ANO2: variants seen among roughly 807,000 people sequenced by gnomAD.
ANO2 encodes the protein anoctamin 2, also known as anoctamin-2.
Under a neutral mutation model 124.2 loss-of-function variants are expected in ANO2, and 101 were observed. That is an observed-to-expected ratio of 0.81 (90% CI 0.69 to 0.96). The LOEUF is 0.96. Ranked by LOEUF, ANO2 falls within the 40% of genes least tolerant of loss-of-function variation. The probability of loss-of-function intolerance (pLI) is 0.00; values close to 1 mark genes in which losing one functional copy is unlikely to be tolerated. For missense variants in ANO2, 1,293 were observed against 1,274.5 expected, an observed-to-expected ratio of 1.01 and a Z score of -0.22; for synonymous variants, 486 against 482.5, an observed-to-expected ratio of 1.01 and a Z score of -0.09.
chr12:5,920,068 GATGGATGGATGGATGC>G (rs1040102283), intron 3 of ANO2, among the ~76,000 whole-genome samples: 23 of 108,874 alleles, frequency 2.1e-4, no homozygotes, highest in East Asian at 8.6e-4. Context: ...TGGATGGATG[GATGGATGGATGGATGC>G]ATGCATGCAT....
chr12:5,865,231 GT>G (rs1240379946), intron 3 of ANO2, among the ~76,000 whole-genome samples: 2 of 152,158 alleles, frequency 1.3e-5, no homozygotes, highest in Non-Finnish European at 2.9e-5. Context: ...CAACGACTGT[GT>G]GCTTGGCAAT....
intron 1 of ANO2, among the ~76,000 whole-genome samples, chr12:5,923,606 G>A (rs186689579): frequency 6.6e-6 from 1 of 152,264 alleles, no homozygotes; most frequent in African/African-American, 2.4e-5. Context: ...CTCTACCCAG[G>A]CCCCAGAGGT....
intron 3 of ANO2, among the ~76,000 whole-genome samples, chr12:5,884,694 TC>T (rs1435689203): frequency 1.3e-5 from 2 of 152,290 alleles, no homozygotes; most frequent in African/African-American, 4.8e-5. Context: ...ACCATTGAGA[TC>T]CTTTTGTTCA....
In ANO2 at chr12:5,922,702, C is replaced by G; in HGVS notation, c.125G>C (p.Gly42Ala). The change falls in exon 2 of 25, where the codon GGT becomes GCT. Residue 42 changes from glycine (G) to alanine (A), a missense_variant. Coordinates refer to ENST00000682330, the MANE Select transcript of ANO2 (RefSeq NM_001364791.2). The stretch of plus-strand genomic sequence containing the variant: ...GCCCTGCAGACCTGGGGCCCGGGGA[C>G]CTGGCATCTTGAGACACTGCTGTCC... ...KHGQQCLKMP[G>A]PRAPGLQGGS... 1.3e-6 allele frequency: 2 copies of G among 1,593,704 alleles called. No individual in the cohort carries two copies. Among genetic ancestry groups the G allele is most frequent in the Non-Finnish European group, 1.7e-6 (2 of 1,171,610 alleles).
intron 15 of ANO2, among the ~76,000 whole-genome samples, chr12:5,639,914 A>G (rs1293651276): frequency 6.6e-6 from 1 of 152,022 alleles, no homozygotes; most frequent in African/African-American, 2.4e-5. Flanking sequence ...CTGATGGTGG[A>G]CTCCCAATAT....
intron 20 of ANO2, among the ~76,000 whole-genome samples, chr12:5,580,828 T>C (rs1591660537): frequency 1.3e-5 from 2 of 152,324 alleles, no homozygotes; most frequent in East Asian, 1.9e-4. Flanking sequence ...GCCATTGTCC[T>C]TGGTGCCCAG....
chr12:5,693,395 T>C lies in ANO2; in HGVS notation c.1545+39125A>G, dbSNP rs193095100. Among the ~76,000 whole-genome samples, 82 of 152,290 alleles carry C rather than the reference T, an allele frequency of 5.4e-4. 1 individual carries two copies. In the East Asian group the frequency reaches 0.014, roughly 26 times the overall value. On this transcript the variant is annotated intron_variant, in intron 14 of 24. Coordinates refer to ENST00000682330, the MANE Select transcript of ANO2 (RefSeq NM_001364791.2). Reference sequence around the variant, plus strand: ...TATTGAATGATTTGCCTTTGAAACGTAGTCAGCACCTGAACCTGTCTCACC... The same window carrying C: ...TATTGAATGATTTGCCTTTGAAACGCAGTCAGCACCTGAACCTGTCTCACC...
At chr12:5,602,387 A>G (rs183849162) in intron 19 of ANO2, among the ~76,000 whole-genome samples, 88 of 152,168 alleles carry the variant, frequency 5.8e-4, no homozygotes, top group Middle Eastern at 3.4e-3. Context: ...AGTAGCTAGG[A>G]CTACAGGCAT....
rs182029997 is a variant in ANO2, at chr12:5,732,449, C to A, written c.1545+71G>T. On this transcript the variant is annotated intron_variant, in intron 14 of 24. Coordinates refer to ENST00000682330, the MANE Select transcript of ANO2 (RefSeq NM_001364791.2). ...CAAGCCCAGTCTCCCTTCACTAAGGCGTGCCAAACAAAATGACAACAGGAT... is the reference window on the plus strand; with the variant it reads ...CAAGCCCAGTCTCCCTTCACTAAGGAGTGCCAAACAAAATGACAACAGGAT... 32 of 1,326,254 alleles carry A rather than the reference C, an allele frequency of 2.4e-5. No homozygotes were observed. In the African/African-American group the frequency reaches 4.2e-4, roughly 18 times the overall value. 82.2% of individuals were successfully genotyped at this position (1,326,254 alleles called of 1,614,324 possible). A position where few individuals can be genotyped will look rare whatever the true frequency, so the allele number is the denominator to read the frequency against.
chr12:5,584,828 G>A (rs1451837025), intron 20 of ANO2, among the ~76,000 whole-genome samples: 3 of 152,126 alleles, frequency 2.0e-5, no homozygotes, highest in South Asian at 4.1e-4. Flanking sequence ...AAATGGTGAA[G>A]CCTTGACAGA....
intron 4 of ANO2, among the ~76,000 whole-genome samples, chr12:5,834,511 G>A (rs1358172171): frequency 6.6e-6 from 1 of 152,194 alleles, no homozygotes; most frequent in Non-Finnish European, 1.5e-5. Context: ...CGTTGAGGGA[G>A]TAGCATTTCA....
At position 5,574,506 on chromosome 12, in the gene ANO2, T is replaced by C. The variant is rs560436718; in HGVS notation, c.2621+1328A>G. Among the ~76,000 whole-genome samples, 508 of 151,762 alleles carry C rather than the reference T, an allele frequency of 3.3e-3. 2 individuals are homozygous for C. Among genetic ancestry groups the C allele is most frequent in the African/African-American group, 0.012 (489 of 41,014 alleles). ...ACTCTCTCAGCATATTCCCTCTCCC[T>C]ATCAATGTAACCACATCCCAGTCCT... On this transcript the variant is annotated intron_variant, in intron 23 of 24. Coordinates refer to ENST00000682330, the MANE Select transcript of ANO2 (RefSeq NM_001364791.2).
Position 5,775,712 on chromosome 12 carries a change from C to T in ANO2, c.1055+23795G>A, listed in dbSNP as rs147265266. Among the ~76,000 whole-genome samples the T allele has an allele frequency of 6.2e-3, 942 of 152,228 alleles. 5 individuals are homozygous for T. The highest frequency in any genetic ancestry group is 0.019 in the African/African-American group (785 of 41,518). On this transcript the variant is annotated intron_variant, in intron 10 of 24. Coordinates refer to ENST00000682330, the MANE Select transcript of ANO2 (RefSeq NM_001364791.2). ...TTCTGACCTCGTGATCCACCTGCCTCGGCCTCCCAAAGTGCATCAATCTTT... is the reference window on the plus strand; with the variant it reads ...TTCTGACCTCGTGATCCACCTGCCTTGGCCTCCCAAAGTGCATCAATCTTT...
chr12:5,808,542 A>G (rs1049768168), intron 7 of ANO2, among the ~76,000 whole-genome samples: 3 of 151,970 alleles, frequency 2.0e-5, no homozygotes, highest in African/African-American at 7.3e-5. Flanking sequence ...GAGAGGGGGA[A>G]TTTCTGGTAC....
intron 8 of ANO2, 103 bp from the exon 9 acceptor site, chr12:5,806,196 T>A (rs1240537594): frequency 8.2e-7 from 1 of 1,215,858 alleles, no homozygotes; most frequent in Non-Finnish European, 1.2e-6. Context: ...CATTGCTTTT[T>A]TTTCATTCCC....
chr12:5,754,462 T>A (rs1951522181), intron 10 of ANO2, among the ~76,000 whole-genome samples: 1 of 152,152 alleles, frequency 6.6e-6, no homozygotes, highest in South Asian at 2.1e-4. Flanking sequence ...TCTTTTCCTG[T>A]TTTTTGGAAG....
At chr12:5,798,484 G>A (rs1007660875) in intron 10 of ANO2, among the ~76,000 whole-genome samples, 3 of 152,048 alleles carry the variant, frequency 2.0e-5, no homozygotes, top group African/African-American at 7.2e-5. Flanking sequence ...TCTCCTGGCC[G>A]CTGCCCCTCT....
At chr12:5,872,898 G>A (rs747594857) in intron 3 of ANO2, among the ~76,000 whole-genome samples, 1 of 152,122 alleles carries the variant, frequency 6.6e-6, no homozygotes, top group African/African-American at 2.4e-5. Context: ...ACCTTTCATG[G>A]GACCATTGTG....
intron 4 of ANO2, among the ~76,000 whole-genome samples, chr12:5,845,327 G>A (rs1232617120): frequency 6.6e-6 from 1 of 151,874 alleles, no homozygotes; most frequent in Admixed American, 6.6e-5. Context: ...CAGAACTTTG[G>A]GAGGCCGAGG....
Sources: gnomAD v4.1 joint callset for allele counts (sites outside exome capture counted in the v4.1 genomes callset) on GRCh38, gnomAD v4.1.1 for gene constraint, MANE v1.5 for transcripts, NCBI Gene and HGNC (gene_info 2026-07-23, HGNC 2026-07-21) for gene names.